Variants in TMEM272 observed in about 807,000 individuals in gnomAD.
TMEM272 encodes long intergenic non-protein coding RNA 282.
TMEM272 carries 8 observed loss-of-function variants against 3.7 expected under a neutral mutation model. The observed-to-expected ratio is 2.17, with a 90% CI of 1.27 to 3.91. The LOEUF (loss-of-function observed/expected upper bound fraction) is 3.91, where lower values mean the gene tolerates loss of function less well. TMEM272 is among the 30% of genes most tolerant of loss of function. The pLI is 0.00. For missense variants in TMEM272, 166 were observed against 91.5 expected (o/e 1.81, Z -3.32); for synonymous variants, 63 against 39.8 (o/e 1.58, Z -2.20).
chr13:51,894,271 T>C, the TMEM272 span, among the ~76,000 whole-genome samples: 1 of 152,214 alleles, frequency 6.6e-6, no homozygotes, highest in Non-Finnish European at 1.5e-5. Context: ...ATGAGTGCTC[T>C]CCAGCTCTCC....
the TMEM272 span, among the ~76,000 whole-genome samples, chr13:51,897,925 T>TAA: frequency 2.2e-4 from 1 of 4,476 alleles, no homozygotes. Context: ...AGACTCCATC[T>TAA]CAAAAAAAAA....
the TMEM272 span, among the ~76,000 whole-genome samples, chr13:51,857,711 A>G: frequency 6.6e-6 from 1 of 152,102 alleles, no homozygotes; most frequent in Non-Finnish European, 1.5e-5. Context: ...GAAAAGTAAC[A>G]TTTAACAGGT....
chr13:51,816,789 G>T lies in TMEM272; in HGVS notation c.526C>A (p.Leu176Met). 1.4e-6 allele frequency: 1 copy of T among 702,760 alleles called. No individual in the cohort carries two copies. Among genetic ancestry groups the T allele is most frequent in the Non-Finnish European group, 2.6e-6 (1 of 384,798 alleles). 43.5% of individuals were successfully genotyped at this position (702,760 alleles called of 1,614,324 possible). ...LLLLCSGCVY[L>M]CSRWRLAADE... ...GCAGCAAGTCTCCACCTGGAGCACAGGTAGACACAGCCGCTGCACAGCAGG... is the reference window on the plus strand; with the variant it reads ...GCAGCAAGTCTCCACCTGGAGCACATGTAGACACAGCCGCTGCACAGCAGG... Residue 176 changes from leucine to methionine, a missense_variant, in exon 5 of 5, where the codon CTG becomes ATG. Transcript: ENST00000629372.
the TMEM272 span, among the ~76,000 whole-genome samples, chr13:51,912,261 G>T: frequency 6.6e-6 from 1 of 152,182 alleles, no homozygotes; most frequent in African/African-American, 2.4e-5. Flanking sequence ...TTATTAAGAA[G>T]TGAATGGACA....
the TMEM272 span, among the ~76,000 whole-genome samples, chr13:51,888,519 C>T: frequency 4.6e-5 from 7 of 151,998 alleles, no homozygotes; most frequent in Admixed American, 4.6e-4. Flanking sequence ...TTTACAGTCA[C>T]TTTATAGTCA....
chr13:51,908,739 G>C, the TMEM272 span: 1,865 of 1,448,506 alleles, frequency 1.3e-3, 14 homozygotes, highest in East Asian at 0.017. Flanking sequence ...GCGTCTAGCA[G>C]AATTAGAATA....
the TMEM272 span, among the ~76,000 whole-genome samples, chr13:51,861,429 C>T: frequency 6.6e-6 from 1 of 151,954 alleles, no homozygotes; most frequent in African/African-American, 2.4e-5. Context: ...AAAAATTTTA[C>T]TACATGACAA....
At chr13:51,922,765 C>G in the TMEM272 span, among the ~76,000 whole-genome samples, 7 of 152,194 alleles carry the variant, frequency 4.6e-5, no homozygotes, top group African/African-American at 1.7e-4. Context: ...ATCTATTCCT[C>G]GCCTCTTCCA....
chr13:51,852,429 G>A, the TMEM272 span, among the ~76,000 whole-genome samples: 2 of 152,196 alleles, frequency 1.3e-5, no homozygotes, highest in Admixed American at 6.5e-5. Context: ...CTTTCACAAA[G>A]CCTGCTTCCA....
At chr13:51,895,872 CCT>C in the TMEM272 span, among the ~76,000 whole-genome samples, 1 of 152,126 alleles carries the variant, frequency 6.6e-6, no homozygotes, top group Admixed American at 6.5e-5. Flanking sequence ...ATACACAACC[CCT>C]GAGACTCAGG....
chr13:51,862,938 T>C, the TMEM272 span, among the ~76,000 whole-genome samples: 2 of 152,216 alleles, frequency 1.3e-5, no homozygotes. Context: ...TACAGAGATG[T>C]CAGGAAGACA....
intron 2 of TMEM272, among the ~76,000 whole-genome samples, chr13:51,829,997 A>C (rs899044850): frequency 2.6e-5 from 4 of 152,242 alleles, no homozygotes; most frequent in South Asian, 2.1e-4. Flanking sequence ...CATTGAGACC[A>C]AGAGAATTCT....
At chr13:51,832,859 C>A (rs1480785445) in intron 2 of TMEM272, among the ~76,000 whole-genome samples, 1 of 152,202 alleles carries the variant, frequency 6.6e-6, no homozygotes, top group African/African-American at 2.4e-5. Flanking sequence ...TGGGTAGATG[C>A]AAAGTGAGCA....
At chr13:51,869,922 G>A in the TMEM272 span, among the ~76,000 whole-genome samples, 2 of 152,206 alleles carry the variant, frequency 1.3e-5, no homozygotes. Flanking sequence ...TTGTGCTCAT[G>A]TAGGTTCGGA....
chr13:51,884,434 G>C, the TMEM272 span, among the ~76,000 whole-genome samples: 1 of 152,186 alleles, frequency 6.6e-6, no homozygotes, highest in East Asian at 1.9e-4. Flanking sequence ...CATAGGGTTA[G>C]TTTGATAACA....
chr13:51,817,188 C>G, intron 4 of TMEM272, 75 bp from the exon 5 acceptor site: 1 of 643,706 alleles, frequency 1.6e-6, no homozygotes, highest in Non-Finnish European at 2.8e-6. Context: ...TAGAAGGTAG[C>G]GGTGGTGGGG....
chr13:51,827,534 A>G (rs1956137435), intron 2 of TMEM272, among the ~76,000 whole-genome samples: 1 of 152,096 alleles, frequency 6.6e-6, no homozygotes. Flanking sequence ...GAAAGTGTGA[A>G]TTTGAATGCC....
chr13:51,876,308 A>G, the TMEM272 span, among the ~76,000 whole-genome samples: 2 of 152,244 alleles, frequency 1.3e-5, no homozygotes, highest in East Asian at 1.9e-4. Flanking sequence ...AGACCACTAT[A>G]TGGCCCCTGG....
At chr13:51,897,556 C>T in the TMEM272 span, among the ~76,000 whole-genome samples, 40 of 151,866 alleles carry the variant, frequency 2.6e-4, no homozygotes, top group African/African-American at 4.3e-4. Flanking sequence ...AATCTGTCTT[C>T]CCTGGAGGGG....
Sources: gnomAD v4.1 joint callset for allele counts (sites outside exome capture counted in the v4.1 genomes callset) on GRCh38, gnomAD v4.1.1 for gene constraint, MANE v1.5 for transcripts, NCBI Gene and HGNC (gene_info 2026-07-23, HGNC 2026-07-21) for gene names.